The following CDR2L variants were observed in gnomAD, a reference collection of about 807,000 sequenced individuals.
CDR2L encodes cerebellar degeneration related protein 2 like, also known as cerebellar degeneration-related protein 2-like.
Under a neutral mutation model 36.1 loss-of-function variants are expected in CDR2L, and 19 were observed. That is an observed-to-expected ratio of 0.53 (90% confidence interval 0.37 to 0.77). CDR2L has a LOEUF of 0.77. CDR2L is among the 30% of genes least tolerant of loss of function. The probability of loss-of-function intolerance (pLI) is 0.00; values close to 1 mark genes in which losing one functional copy is unlikely to be tolerated. For missense variants in CDR2L, 575 were observed against 627.2 expected, an observed-to-expected ratio of 0.92 and a Z score of 0.89; for synonymous variants, 285 against 280.4, an observed-to-expected ratio of 1.02 and a Z score of -0.16.
Position 74,999,557 on chromosome 17 carries a change from C to T in CDR2L, c.133C>T (p.Leu45=), listed in dbSNP as rs146907138. Reference sequence around the variant, plus strand: ...GACTCTGCTGGAGAGGAACAAGGAGCTGGAGGGGTCCCTGCAGCAGATGTA... The same window carrying T: ...GACTCTGCTGGAGAGGAACAAGGAGTTGGAGGGGTCCCTGCAGCAGATGTA... ...GKTLLERNKE[L]EGSLQQMYST... Residue 45 remains leucine, a synonymous_variant, in exon 2 of 5, where the codon CTG becomes TTG. Transcript: ENST00000337231. 23 of 1,589,358 alleles carry T rather than the reference C, an allele frequency of 1.4e-5. No individual in the cohort carries two copies. The East Asian group carries it at 4.8e-4, about 33-fold the overall frequency.
intron 3 of CDR2L, among the ~76,000 whole-genome samples, 187 bp downstream of exon 3, chr17:75,001,676 A>G (rs1172568377): frequency 6.6e-6 from 1 of 152,170 alleles, no homozygotes; most frequent in Non-Finnish European, 1.5e-5. Flanking sequence ...TTAAGCACCA[A>G]CTATGCACCA....
chr17:74,999,861 T>G (rs1325017465), intron 2 of CDR2L, among the ~76,000 whole-genome samples: 2 of 151,986 alleles, frequency 1.3e-5, no homozygotes, highest in African/African-American at 2.4e-5. Context: ...CAGGCTGGTC[T>G]CTAACTCCTG....
rs36002396 is a variant in CDR2L at position 74,991,406 on chromosome 17, TAA to T, written c.79+3302_79+3303del. The stretch of plus-strand genomic sequence containing the variant: ...GGGCAACAAGAGCAAACTCTGTCTT[TAA>T]AAAAAAAAAAAAAAAAAGCCTAGAA... On this transcript the variant is annotated intron_variant, in intron 1 of 4. Coordinates refer to ENST00000337231, the MANE Select transcript of CDR2L (RefSeq NM_014603.3). Among the ~76,000 whole-genome samples the T allele has an allele frequency of 1.2e-3, 122 of 103,564 alleles. 1 individual carries two copies. Among genetic ancestry groups the T allele is most frequent in the African/African-American group, 3.5e-3 (96 of 27,044 alleles). The allele number at this position is 103,564 out of a possible 152,430, so 67.9% of individuals were successfully genotyped here. A position where few individuals can be genotyped will look rare whatever the true frequency, so the allele number is the denominator to read the frequency against.
intron 1 of CDR2L, among the ~76,000 whole-genome samples, chr17:74,998,967 C>G (rs2039846855): frequency 6.6e-6 from 1 of 152,310 alleles, no homozygotes; most frequent in Non-Finnish European, 1.5e-5. Context: ...TGTTGATAAG[C>G]TACGCTGTCT....
chr17:74,997,031 CT>C lies in CDR2L; in HGVS notation c.80-2469del, dbSNP rs2039830254. On this transcript the variant is annotated intron_variant, in intron 1 of 4. Coordinates refer to ENST00000337231, the MANE Select transcript of CDR2L (RefSeq NM_014603.3). ...GCCTCTCAGCAAGCTCCTATTCACC[CT>C]TTTCTTTCTTTCTTTCTTTCTTTCT... Among the ~76,000 whole-genome samples the C allele has an allele frequency of 2.0e-5, 3 of 148,086 alleles. No homozygotes were observed. In the South Asian group the frequency reaches 6.4e-4, roughly 32 times the overall value.
intron 1 of CDR2L, 39 bp downstream of exon 1, chr17:74,988,161 G>A: frequency 7.2e-7 from 1 of 1,395,338 alleles, no homozygotes; most frequent in Non-Finnish European, 9.6e-7. Flanking sequence ...GGCGGGGAGC[G>A]CCCGGTGACC....
At chr17:74,991,038 A>G (rs1301298929) in intron 1 of CDR2L, among the ~76,000 whole-genome samples, 1 of 152,232 alleles carries the variant, frequency 6.6e-6, no homozygotes, top group East Asian at 1.9e-4. Context: ...GGTGGAAAGC[A>G]GCCGTGGGAC....
rs565379400 is a variant in CDR2L, at chr17:75,002,930, C to T, written c.507-253C>T. 2.6e-5 allele frequency among the ~76,000 whole-genome samples: 4 copies of T among 152,224 alleles called. No homozygotes were observed. The highest frequency in any genetic ancestry group is 4.8e-5 in the African/African-American group (2 of 41,466). On this transcript the variant is annotated intron_variant, in intron 4 of 4. Coordinates refer to ENST00000337231, the MANE Select transcript of CDR2L (RefSeq NM_014603.3). This position sits in a 1 kb window ranked among gnomAD's most constrained non-coding sequence, Gnocchi z 4.1. The stretch of plus-strand genomic sequence containing the variant: ...CCCCCCTCGGACCTCTAGCCAGTGC[C>T]TCTCATGGGCCAAGCTCAGGAGAGA...
chr17:74,997,042 T>A (rs2039830512), intron 1 of CDR2L, among the ~76,000 whole-genome samples: 1 of 8,296 alleles, frequency 1.2e-4, no homozygotes, highest in African/African-American at 1.6e-4. Context: ...TTTTCTTTCT[T>A]TCTTTCTTTC....
chr17:74,991,511 A>T (rs2039796764), intron 1 of CDR2L, among the ~76,000 whole-genome samples: 1 of 151,626 alleles, frequency 6.6e-6, no homozygotes, highest in South Asian at 2.1e-4. Context: ...ACATCAGGAG[A>T]TCGAAACCAT....
At chr17:74,997,055 TC>T (rs1567974262) in intron 1 of CDR2L, among the ~76,000 whole-genome samples, 112 of 9,708 alleles carry the variant, frequency 0.012, 1 homozygote, top group South Asian at 0.028. Flanking sequence ...TTTCTTTCTT[TC>T]TTTCTTTCTT....
At chr17:74,990,786 G>A (rs1280008503) in intron 1 of CDR2L, among the ~76,000 whole-genome samples, 4 of 152,244 alleles carry the variant, frequency 2.6e-5, no homozygotes, top group Non-Finnish European at 5.9e-5. Context: ...TGGATGGTGG[G>A]ACGGAGCACG....
chr17:74,999,327 A>C lies in CDR2L; in HGVS notation c.80-177A>C, dbSNP rs571941172. On this transcript the variant is annotated intron_variant, in intron 1 of 4. Coordinates refer to ENST00000337231, the MANE Select transcript of CDR2L (RefSeq NM_014603.3). ...ACACACACACACACAGACACACACA[A>C]AAAGAACATTCCAGGCAGAAATAAC... Among the ~76,000 whole-genome samples, 7 of 98,074 alleles carry C rather than the reference A, an allele frequency of 7.1e-5. No homozygotes were observed. In the East Asian group the frequency reaches 1.6e-3, roughly 22 times the overall value. The allele number at this position is 98,074 out of a possible 152,430, so 64.3% of individuals were successfully genotyped here.
chr17:74,999,650 C>T (rs1317058417), intron 2 of CDR2L, 34 bp downstream of exon 2: 10 of 1,346,310 alleles, frequency 7.4e-6, no homozygotes, highest in Non-Finnish European at 1.0e-5. Context: ...CCACACCCCT[C>T]GAGGGCCCCT....
At chr17:75,003,111 G>C in intron 4 of CDR2L, 72 bp from the exon 5 acceptor site, 1 of 1,486,140 alleles carries the variant, frequency 6.7e-7, no homozygotes, top group Admixed American at 2.2e-5. Context: ...TGGGCTGCTC[G>C]GCCTTGGCCG....
intron 1 of CDR2L, among the ~76,000 whole-genome samples, chr17:74,999,288 G>GCACACACACACACACA (rs113287746): frequency 1.8e-4 from 26 of 144,984 alleles, no homozygotes; most frequent in Non-Finnish European, 2.6e-4. Flanking sequence ...ATTACATCTT[G>GCACACACACACACACA]CACACACACA....
At chr17:75,001,767 G>T (rs1335107803) in intron 3 of CDR2L, among the ~76,000 whole-genome samples, 3 of 152,236 alleles carry the variant, frequency 2.0e-5, no homozygotes, top group Admixed American at 6.5e-5. Context: ...CAGCCTGGAA[G>T]AGAAGGCAGG....
At chr17:74,998,772 C>T (rs994715303) in intron 1 of CDR2L, among the ~76,000 whole-genome samples, 3 of 152,174 alleles carry the variant, frequency 2.0e-5, no homozygotes, top group South Asian at 2.1e-4. Flanking sequence ...ATATTCCGTG[C>T]GTGAGGCTGG....
At chr17:75,003,003 C>T (rs2039876078) in intron 4 of CDR2L, among the ~76,000 whole-genome samples, 180 bp from the exon 5 acceptor site, 1 of 152,172 alleles carries the variant, frequency 6.6e-6, no homozygotes, top group Admixed American at 6.5e-5. Flanking sequence ...CCTCCGGGGG[C>T]AGAGAGCAGG....
Sources: gnomAD v4.1 joint callset for allele counts (sites outside exome capture counted in the v4.1 genomes callset) on GRCh38, gnomAD v4.1.1 for gene constraint, Gnocchi (gnomAD v3.1) non-coding constraint, MANE v1.5 for transcripts, NCBI Gene and HGNC (gene_info 2026-07-23, HGNC 2026-07-21) for gene names.